The following UTRN variants were observed in gnomAD, a reference collection of about 807,000 sequenced individuals.
The protein encoded by UTRN is utrophin, also known as dystrophin-related protein 1.
Under a neutral mutation model 463.9 loss-of-function variants are expected in UTRN, and 283 were observed. The ratio of observed to expected loss-of-function variants is 0.61; its 90% CI spans 0.55 to 0.67. The LOEUF (loss-of-function observed/expected upper bound fraction) is 0.67, where lower values mean the gene tolerates loss of function less well. Ranked by LOEUF, UTRN falls within the 30% of genes least tolerant of loss-of-function variation. The probability of loss-of-function intolerance (pLI) is 0.00; values close to 1 mark genes in which losing one functional copy is unlikely to be tolerated. For missense variants in UTRN, 3,922 were observed against 4,084.3 expected (o/e 0.96, Z 1.08); for synonymous variants, 1,442 against 1,431.5 (o/e 1.01, Z -0.17).
chr6:144,345,529 G>T (rs533265624), intron 2 of UTRN, among the ~76,000 whole-genome samples: 3 of 152,210 alleles, frequency 2.0e-5, no homozygotes, highest in Non-Finnish European at 4.4e-5. Context: ...TTAAAAATCA[G>T]CCAGGCATGG....
Position 144,479,839 on chromosome 6 carries a change from G to A in UTRN, c.3364G>A (p.Glu1122Lys), listed in dbSNP as rs770820401. Residue 1122 changes from glutamate to lysine, a missense_variant, in exon 26 of 75, where the codon GAA becomes AAA. Physicochemically the swap from Glu to Lys is moderately conservative, Grantham distance 56. Coordinates refer to ENST00000367545, the MANE Select transcript of UTRN (RefSeq NM_007124.3). ...CGCTACTCAAAAAAGTAGGTTGTCT[G>A]AAAGTCAAGAAAAAGCTGCGAACCT... is the stretch of plus-strand genomic sequence containing the variant. ...EIATQKSRLS[E>K]SQEKAANLKK... 1 of 1,613,902 alleles carries A rather than the reference G, an allele frequency of 6.2e-7. No homozygotes were observed. The highest frequency in any genetic ancestry group is 1.3e-5 in the African/African-American group (1 of 75,036).
At chr6:144,842,845 T>C (rs1242961568) in intron 73 of UTRN, among the ~76,000 whole-genome samples, 1 of 151,656 alleles carries the variant, frequency 6.6e-6, no homozygotes, top group Non-Finnish European at 1.5e-5. Flanking sequence ...TGCATGCATG[T>C]GCACACCCAT....
chr6:144,730,286 T>G, intron 53 of UTRN, 71 bp from the exon 54 acceptor site: 1 of 1,408,148 alleles, frequency 7.1e-7, no homozygotes, highest in Non-Finnish European at 9.3e-7. Context: ...AGAAGTGGTA[T>G]AGTTGAAGAT....
At chr6:144,322,669 T>G (rs1449771175) in intron 2 of UTRN, among the ~76,000 whole-genome samples, 1 of 152,218 alleles carries the variant, frequency 6.6e-6, no homozygotes, top group Non-Finnish European at 1.5e-5. Flanking sequence ...CCGGGCGCGG[T>G]GGCTCACGCC....
intron 52 of UTRN, among the ~76,000 whole-genome samples, chr6:144,698,151 A>G (rs1784210489): frequency 6.6e-6 from 1 of 152,186 alleles, no homozygotes; most frequent in South Asian, 2.1e-4. Context: ...AGTTAATATA[A>G]TTGAAATTAT....
intron 12 of UTRN, among the ~76,000 whole-genome samples, chr6:144,439,136 A>C (rs188720430): frequency 6.6e-6 from 1 of 152,216 alleles, no homozygotes; most frequent in Non-Finnish European, 1.5e-5. Context: ...CATAGCTTTC[A>C]TACAACTGGA....
chr6:144,526,581 C>T (rs941966046), intron 41 of UTRN, among the ~76,000 whole-genome samples: 12 of 152,012 alleles, frequency 7.9e-5, no homozygotes, highest in Non-Finnish European at 1.2e-4. Flanking sequence ...TTTTATGTGT[C>T]GGGTGAGTCT....
intron 45 of UTRN, among the ~76,000 whole-genome samples, chr6:144,541,000 G>C (rs1296926249): frequency 6.6e-6 from 1 of 152,174 alleles, no homozygotes; most frequent in African/African-American, 2.4e-5. Flanking sequence ...CCACTAACTT[G>C]TTTCAAGCCT....
chr6:144,599,044 C>A (rs1382032307), intron 51 of UTRN, among the ~76,000 whole-genome samples: 1 of 152,176 alleles, frequency 6.6e-6, no homozygotes, highest in Admixed American at 6.5e-5. Flanking sequence ...TGATTAACCT[C>A]CCTCGTCTTT....
chr6:144,517,484 G>A (rs957678454), intron 39 of UTRN, among the ~76,000 whole-genome samples: 18 of 151,854 alleles, frequency 1.2e-4, no homozygotes, highest in Admixed American at 1.1e-3. Context: ...AGGTGTGTGG[G>A]CCACCATATC....
intron 51 of UTRN, among the ~76,000 whole-genome samples, chr6:144,617,906 G>T (rs760230698): frequency 1.9e-4 from 29 of 152,226 alleles, no homozygotes; most frequent in Non-Finnish European, 4.3e-4. Context: ...AGGGAGGATT[G>T]TTTGAAATGG....
At chr6:144,583,466 C>T (rs947218280) in intron 51 of UTRN, 1 of 702,810 alleles carries the variant, frequency 1.4e-6, no homozygotes, top group South Asian at 1.5e-5. Context: ...AATGCAAATT[C>T]TGAGGTGTCT....
chr6:144,402,814 A>G (rs577485479), intron 2 of UTRN, among the ~76,000 whole-genome samples: 1 of 152,288 alleles, frequency 6.6e-6, no homozygotes, highest in African/African-American at 2.4e-5. Flanking sequence ...ACTAGCTGGA[A>G]AGTAGGGCTC....
At chr6:144,417,584 G>C (rs1371993506) in intron 3 of UTRN, among the ~76,000 whole-genome samples, 1 of 152,118 alleles carries the variant, frequency 6.6e-6, no homozygotes. Flanking sequence ...TCTACTGCCT[G>C]TTTCCGTATG....
At chr6:144,651,696 T>G (rs540421375) in intron 51 of UTRN, among the ~76,000 whole-genome samples, 1 of 152,256 alleles carries the variant, frequency 6.6e-6, no homozygotes. Flanking sequence ...TCTGATGACT[T>G]AAGTTCTTAT....
chr6:144,444,079 T>G (rs1441393557), intron 13 of UTRN, among the ~76,000 whole-genome samples: 1 of 152,202 alleles, frequency 6.6e-6, no homozygotes, highest in Non-Finnish European at 1.5e-5. Context: ...GTGAAATCAT[T>G]TGTTCAATTC....
At chr6:144,535,353 A>T (rs1373370054) in intron 43 of UTRN, among the ~76,000 whole-genome samples, 1 of 152,208 alleles carries the variant, frequency 6.6e-6, no homozygotes, top group African/African-American at 2.4e-5. Context: ...AAGTTCTGGA[A>T]TTACAGGCAT....
At position 144,423,584 on chromosome 6, in the gene UTRN, A is replaced by G. The variant is rs757435162; in HGVS notation, c.270A>G (p.Leu90=). Residue 90 remains leucine, a synonymous_variant, in exon 5 of 75, where the codon TTA becomes TTG. Coordinates refer to ENST00000367545, the MANE Select transcript of UTRN (RefSeq NM_007124.3). ...KERGSTRVHA[L]NNVNRVLQVL... is the part of the protein sequence containing the mutation. ...GTGGTTCCACAAGGGTACATGCCTTAAATAACGTCAACAGAGTGCTGCAGG... is the reference window on the plus strand; with the variant it reads ...GTGGTTCCACAAGGGTACATGCCTTGAATAACGTCAACAGAGTGCTGCAGG... The G allele has an allele frequency of 8.1e-6, 13 of 1,614,118 alleles. No homozygotes were observed. Among genetic ancestry groups the G allele is most frequent in the Non-Finnish European group, 1.0e-5 (12 of 1,180,056 alleles).
intron 6 of UTRN, among the ~76,000 whole-genome samples, chr6:144,425,088 A>G (rs1170932337): frequency 6.6e-6 from 1 of 152,148 alleles, no homozygotes; most frequent in Admixed American, 6.5e-5. Context: ...TTTATTTTTC[A>G]TGTCTCTTTA....
Sources: gnomAD v4.1 joint callset for allele counts (sites outside exome capture counted in the v4.1 genomes callset) on GRCh38, gnomAD v4.1.1 for gene constraint, MANE v1.5 for transcripts, NCBI Gene and HGNC (gene_info 2026-07-23, HGNC 2026-07-21) for gene names.